Variants in CCDC192 observed in about 807,000 individuals in gnomAD.
CCDC192 encodes coiled-coil domain containing 192.
chr5:127,926,048 G>T (rs1271697886), intron 6 of CCDC192, among the ~76,000 whole-genome samples: 1 of 152,176 alleles, frequency 6.6e-6, no homozygotes, highest in African/African-American at 2.4e-5. Context: ...AGGGAAATGG[G>T]GCGTGCAGAA....
chr5:127,830,703 A>G (rs1749750126), intron 5 of CCDC192, among the ~76,000 whole-genome samples: 1 of 152,086 alleles, frequency 6.6e-6, no homozygotes, highest in East Asian at 1.9e-4. Flanking sequence ...TTTGGCCCAC[A>G]ACATTCTCTT....
Position 127,859,116 on chromosome 5 carries a change from A to C in CCDC192, c.412-16422A>C, listed in dbSNP as rs930239564. Among the ~76,000 whole-genome samples the C allele has an allele frequency of 7.6e-4, 116 of 152,234 alleles. 1 individual carries two copies. The highest frequency in any genetic ancestry group is 1.0e-3 in the Non-Finnish European group (71 of 68,048). ...CTGCCTTTTTCCTTACTGTGAAGAA[A>C]GATCTATCCCTTTGAGGAGAAATCC... is the stretch of plus-strand genomic sequence containing the variant. On this transcript the variant is annotated intron_variant, in intron 5 of 6. Transcript: ENST00000514853.
At chr5:127,891,042 A>G (rs1202829615) in intron 6 of CCDC192, among the ~76,000 whole-genome samples, 1 of 152,100 alleles carries the variant, frequency 6.6e-6, no homozygotes, top group Non-Finnish European at 1.5e-5. Flanking sequence ...TACACCCAGG[A>G]GAATGACCTT....
chr5:127,753,326 C>G (rs1754351065), intron 2 of CCDC192, among the ~76,000 whole-genome samples: 1 of 152,128 alleles, frequency 6.6e-6, no homozygotes, highest in Non-Finnish European at 1.5e-5. Context: ...GTGCTCTAAT[C>G]TCACAAAGGC....
intron 5 of CCDC192, among the ~76,000 whole-genome samples, chr5:127,850,096 G>A (rs1750729665): frequency 1.3e-5 from 2 of 152,200 alleles, no homozygotes; most frequent in Non-Finnish European, 2.9e-5. Context: ...TATAGAGCTT[G>A]GGATCAGTGC....
At chr5:127,919,582 A>T (rs1180781121) in intron 6 of CCDC192, among the ~76,000 whole-genome samples, 2 of 152,176 alleles carry the variant, frequency 1.3e-5, no homozygotes, top group Non-Finnish European at 2.9e-5. Context: ...GCAGATTCTC[A>T]GTATCACTAT....
chr5:127,941,217 C>T lies in CCDC192; in HGVS notation c.571C>T (p.Pro191Ser), dbSNP rs996473607. Residue 191 changes from proline to serine, a missense_variant, in exon 7 of 7, where the codon CCA becomes TCA. Physicochemically the swap from Pro to Ser is moderately conservative, Grantham distance 74. Coordinates refer to ENST00000514853, the MANE Select transcript of CCDC192 (RefSeq NM_001317938.2). Reference protein sequence around the residue: ...SLLEGFCGGLPPVEEGDRKIS... With the variant: ...SLLEGFCGGLSPVEEGDRKIS... ...GCTGGAAGGGTTCTGTGGAGGTCTC[C>T]CACCTGTGGAAGAAGGTGATAGAAA... 2 of 399,012 alleles carry T rather than the reference C, an allele frequency of 5.0e-6. No individual in the cohort carries two copies. The highest frequency in any genetic ancestry group is 3.6e-5 in the East Asian group (1 of 28,076). The allele number at this position is 399,012 out of a possible 1,614,324, so 24.7% of individuals were successfully genotyped here. A position where few individuals can be genotyped will look rare whatever the true frequency, so the allele number is the denominator to read the frequency against.
At chr5:127,907,694 G>A (rs778493511) in intron 6 of CCDC192, among the ~76,000 whole-genome samples, 11 of 152,122 alleles carry the variant, frequency 7.2e-5, no homozygotes, top group Non-Finnish European at 1.0e-4. Flanking sequence ...ATATCTGTCT[G>A]TTACCAGTGG....
chr5:127,898,385 A>C (rs1752952181), intron 6 of CCDC192, among the ~76,000 whole-genome samples: 1 of 152,150 alleles, frequency 6.6e-6, no homozygotes, highest in East Asian at 1.9e-4. Flanking sequence ...CTGGGATTAC[A>C]AGCGTGAGCC....
chr5:127,866,826 A>T (rs561091523), intron 5 of CCDC192, among the ~76,000 whole-genome samples: 16 of 152,268 alleles, frequency 1.1e-4, no homozygotes, highest in African/African-American at 3.6e-4. Flanking sequence ...TGCAGTTTTT[A>T]AAAAAATATT....
At chr5:127,728,922 C>T (rs1180729363) in intron 2 of CCDC192, among the ~76,000 whole-genome samples, 2 of 151,368 alleles carry the variant, frequency 1.3e-5, no homozygotes, top group Admixed American at 6.6e-5. Flanking sequence ...CTTTTTTTTT[C>T]TGGAGACAGA....
At chr5:127,795,791 A>T (rs1049821889) in intron 3 of CCDC192, among the ~76,000 whole-genome samples, 2 of 152,102 alleles carry the variant, frequency 1.3e-5, no homozygotes, top group African/African-American at 4.8e-5. Context: ...AAGGATAAAG[A>T]CACTAGACTC....
chr5:127,812,963 AC>A (rs1758163975), intron 5 of CCDC192, among the ~76,000 whole-genome samples: 1 of 152,124 alleles, frequency 6.6e-6, no homozygotes, highest in African/African-American at 2.4e-5. Flanking sequence ...TGACCCCATA[AC>A]CAAATGCCCC....
intron 5 of CCDC192, among the ~76,000 whole-genome samples, chr5:127,854,553 T>C (rs1248955010): frequency 6.6e-6 from 1 of 152,208 alleles, no homozygotes; most frequent in East Asian, 1.9e-4. Context: ...CTAAAATATC[T>C]ATAGCGTTCA....
intron 6 of CCDC192, among the ~76,000 whole-genome samples, chr5:127,895,649 G>T (rs1002967406): frequency 1.3e-5 from 2 of 152,142 alleles, no homozygotes; most frequent in Non-Finnish European, 2.9e-5. Flanking sequence ...AGACCAGCCT[G>T]GCCAACATGA....
chr5:127,731,130 T>C (rs1302447210), intron 2 of CCDC192, among the ~76,000 whole-genome samples: 2 of 152,088 alleles, frequency 1.3e-5, no homozygotes, highest in African/African-American at 2.4e-5. Context: ...CATCTCAGCC[T>C]CAAAGCTTCT....
At chr5:127,814,777 T>C (rs543746929) in intron 5 of CCDC192, among the ~76,000 whole-genome samples, 1 of 152,312 alleles carries the variant, frequency 6.6e-6, no homozygotes, top group Admixed American at 6.5e-5. Flanking sequence ...AAGTCTGACA[T>C]GTTTGGAAAT....
At chr5:127,916,709 C>G (rs893858538) in intron 6 of CCDC192, among the ~76,000 whole-genome samples, 6 of 152,032 alleles carry the variant, frequency 3.9e-5, no homozygotes, top group African/African-American at 1.4e-4. Flanking sequence ...AGTAGAGATC[C>G]CAGTAGTAAG....
intron 5 of CCDC192, among the ~76,000 whole-genome samples, chr5:127,849,336 C>T (rs1750698062): frequency 6.6e-6 from 1 of 152,070 alleles, no homozygotes. Flanking sequence ...ACCTCCTCAG[C>T]ACTCTCAGCT....
Sources: allele counts gnomAD v4.1 joint callset (sites outside exome capture counted in the v4.1 genomes callset), GRCh38; gene constraint gnomAD v4.1.1; transcripts MANE v1.5; gene names NCBI Gene and HGNC (gene_info 2026-07-23, HGNC 2026-07-21).